ZNF490: variants seen among roughly 807,000 people sequenced by gnomAD.
ZNF490 encodes the protein zinc finger protein 490.
In ZNF490, 11 loss-of-function variants were observed where a neutral mutation model predicts 17.7. The observed-to-expected ratio is 0.62, with a 90% CI of 0.39 to 1.03. ZNF490 has a LOEUF of 1.03. Ranked by LOEUF, ZNF490 falls within the 50% of genes least tolerant of loss-of-function variation. The pLI is 0.00. For missense variants in ZNF490, 542 were observed against 643.4 expected, an observed-to-expected ratio of 0.84 and a Z score of 1.71; for synonymous variants, 222 against 216.1, an observed-to-expected ratio of 1.03 and a Z score of -0.24.
intron 2 of ZNF490, among the ~76,000 whole-genome samples, chr19:12,587,202 T>A (rs2145146465): frequency 1.2e-5 from 1 of 85,214 alleles, no homozygotes; most frequent in South Asian, 3.2e-4. Context: ...AGTTGTGGGA[T>A]GACAGATGAC....
At chr19:12,590,474 C>T (rs1447252387) in intron 2 of ZNF490, among the ~76,000 whole-genome samples, 3 of 151,650 alleles carry the variant, frequency 2.0e-5, no homozygotes, top group Non-Finnish European at 4.4e-5. Flanking sequence ...ACCCCTGCCT[C>T]GGCCTCCTAA....
intron 2 of ZNF490, among the ~76,000 whole-genome samples, chr19:12,605,082 G>A (rs1176129012): frequency 6.6e-6 from 1 of 152,132 alleles, no homozygotes; most frequent in Non-Finnish European, 1.5e-5. Context: ...GAACCCTGGA[G>A]ATGGAGGTTG....
Position 12,582,819 on chromosome 19 carries a change from G to A in ZNF490, c.350+31C>T, listed in dbSNP as rs184336166. 2.3e-3 allele frequency: 3,448 copies of A among 1,477,802 alleles called. 4 individuals carry two copies. Among genetic ancestry groups the A allele is most frequent in the Non-Finnish European group, 2.9e-3 (3,055 of 1,057,814 alleles). The allele number at this position is 1,477,802 out of a possible 1,614,324, so 91.5% of individuals were successfully genotyped here. A position where few individuals can be genotyped will look rare whatever the true frequency, so the allele number is the denominator to read the frequency against. On this transcript the variant is annotated intron_variant, in intron 4 of 4. Transcript: ENST00000311437. ...TATGAAATACTAAGATTCTCTCAGG[G>A]GCTATATAATTATTTGTGAATGCAA... is the stretch of plus-strand genomic sequence containing the variant.
intron 2 of ZNF490, among the ~76,000 whole-genome samples, chr19:12,602,790 A>C (rs572234322): frequency 7.3e-5 from 11 of 151,144 alleles, no homozygotes; most frequent in African/African-American, 2.7e-4. Flanking sequence ...ACGCCGGGCT[A>C]GTTTTTTGTA....
At chr19:12,607,090 C>T (rs12979146) in intron 2 of ZNF490, among the ~76,000 whole-genome samples, 78,654 of 151,988 alleles carry the variant, frequency 0.52, 22,943 homozygotes, top group Non-Finnish European at 0.67. Flanking sequence ...GCCTACCATC[C>T]CAACACTGGG....
At position 12,578,151 on chromosome 19, in the gene ZNF490, C is replaced by T; in HGVS notation, c.*2334G>A. 6.1e-6 allele frequency: 6 copies of T among 985,486 alleles called. No individual in the cohort carries two copies. Among genetic ancestry groups the T allele is most frequent in the South Asian group, 4.7e-5 (1 of 21,276 alleles). 61.0% of individuals were successfully genotyped at this position (985,486 alleles called of 1,614,324 possible). A position where few individuals can be genotyped will look rare whatever the true frequency, so the allele number is the denominator to read the frequency against. ...GGAGGCTAGGAAACCAGTCCTGGAG[C>T]AGGATGCATGTGACATGCACTGACG... On this transcript the variant is annotated 3_prime_UTR_variant, in exon 5 of 5. Transcript: ENST00000311437.
At chr19:12,609,452 A>G (rs1360353278) in intron 1 of ZNF490, among the ~76,000 whole-genome samples, 1 of 152,164 alleles carries the variant, frequency 6.6e-6, no homozygotes, top group Non-Finnish European at 1.5e-5. Flanking sequence ...GCAGTGGCAC[A>G]ATCTTGGCTC....
In ZNF490 at chr19:12,587,131, T is replaced by C. The variant is rs2022813765; in HGVS notation, c.163-3575A>G. Among the ~76,000 whole-genome samples, 2 of 88,372 alleles carry C rather than the reference T, an allele frequency of 2.3e-5. 1 individual carries two copies. The highest frequency in any genetic ancestry group is 6.0e-4 in the South Asian group (2 of 3,356). 58.0% of individuals were successfully genotyped at this position (88,372 alleles called of 152,430 possible). A position where few individuals can be genotyped will look rare whatever the true frequency, so the allele number is the denominator to read the frequency against. ...GTTGTCTGCAAGAAATTCGCTTTTT[T>C]TTTTTTTTTTACTTTGTTTTTTAGA... On this transcript the variant is annotated intron_variant, in intron 2 of 4. Coordinates refer to ENST00000311437, the MANE Select transcript of ZNF490 (RefSeq NM_020714.3).
At chr19:12,597,085 TC>T (rs2022943200) in intron 2 of ZNF490, 1 of 457,876 alleles carries the variant, frequency 2.2e-6, no homozygotes. Flanking sequence ...ACTCGGGTCT[TC>T]CCATAGCCGG....
In ZNF490 at chr19:12,602,079, T is replaced by TATACACACAC. The variant is rs778812676; in HGVS notation, c.162+7078_162+7079insGTGTGTGTAT. 1.7e-3 allele frequency among the ~76,000 whole-genome samples: 114 copies of TATACACACAC among 68,652 alleles called. 4 individuals are homozygous for TATACACACAC. The highest frequency in any genetic ancestry group is 7.6e-3 in the South Asian group (21 of 2,780). The allele number at this position is 68,652 out of a possible 152,430, so 45.0% of individuals were successfully genotyped here. A position where few individuals can be genotyped will look rare whatever the true frequency, so the allele number is the denominator to read the frequency against. On this transcript the variant is annotated intron_variant, in intron 2 of 4. Coordinates refer to ENST00000311437, the MANE Select transcript of ZNF490 (RefSeq NM_020714.3). ...CGTTTTTGAAACTCAGTTCACTATATACACACACACACACACACACACACA... is the reference window on the plus strand; with the variant it reads ...CGTTTTTGAAACTCAGTTCACTATATATACACACACACACACACACACACACACACACACA...
chr19:12,608,343 G>T (rs1006108578), intron 2 of ZNF490, among the ~76,000 whole-genome samples: 4 of 152,088 alleles, frequency 2.6e-5, no homozygotes, highest in African/African-American at 9.7e-5. Context: ...GAGTGCAGTG[G>T]CACCATCACA....
intron 2 of ZNF490, among the ~76,000 whole-genome samples, chr19:12,588,562 T>A (rs1049438950): frequency 6.6e-6 from 1 of 151,912 alleles, no homozygotes; most frequent in Non-Finnish European, 1.5e-5. Context: ...AATTTAGAGA[T>A]CCAGCAGGCA....
chr19:12,605,325 T>C (rs1034313531), intron 2 of ZNF490, among the ~76,000 whole-genome samples: 4 of 151,900 alleles, frequency 2.6e-5, no homozygotes, highest in Non-Finnish European at 5.9e-5. Flanking sequence ...TTACAAAAAA[T>C]AAATAATTAG....
At position 12,577,528 on chromosome 19, in the gene ZNF490, CG is replaced by C. The variant is rs1643805041; in HGVS notation, c.*2956del. 2.2e-5 allele frequency: 13 copies of C among 579,536 alleles called. No homozygotes were observed. The highest frequency in any genetic ancestry group is 2.5e-5 in the Non-Finnish European group (13 of 512,226). The allele number at this position is 579,536 out of a possible 1,614,324, so 35.9% of individuals were successfully genotyped here. On this transcript the variant is annotated 3_prime_UTR_variant, in exon 5 of 5. Coordinates refer to ENST00000311437, the MANE Select transcript of ZNF490 (RefSeq NM_020714.3). ...CCATAAATGTTCCTGGTGAGAGAAG[CG>C]AATGTTCCTGGTGAGAGAAGCGAAG...
At chr19:12,583,347 C>T in intron 3 of ZNF490, 83 bp downstream of exon 3, 1 of 1,455,042 alleles carries the variant, frequency 6.9e-7, no homozygotes, top group Non-Finnish European at 9.2e-7. Context: ...CCCCTTCCCC[C>T]ATTTTAAACC....
In ZNF490 at chr19:12,609,547, C is replaced by G. The variant is rs76416932; in HGVS notation, c.118-345G>C. 2.8e-4 allele frequency among the ~76,000 whole-genome samples: 43 copies of G among 152,268 alleles called. 1 individual carries two copies. The East Asian group carries it at 3.5e-3, about 12-fold the overall frequency. On this transcript the variant is annotated intron_variant, in intron 1 of 4. Transcript: ENST00000311437. ...GACTACAGGTGAACACCATACCCAG[C>G]TAATTTTTAAAAATTTTTTGAGAAA... is the stretch of plus-strand genomic sequence containing the variant.
chr19:12,592,398 T>TAA (rs112821958), intron 2 of ZNF490, among the ~76,000 whole-genome samples: 1 of 140,192 alleles, frequency 7.1e-6, no homozygotes, highest in East Asian at 2.0e-4. Flanking sequence ...CATCTCAATT[T>TAA]AAAAAAAAAA....
At chr19:12,601,378 A>T (rs1352191093) in intron 2 of ZNF490, among the ~76,000 whole-genome samples, 3 of 148,868 alleles carry the variant, frequency 2.0e-5, no homozygotes, top group East Asian at 4.0e-4. Context: ...ACAGAGCAAG[A>T]CTCCGTCTGA....
At chr19:12,594,836 C>A (rs1444626347) in intron 2 of ZNF490, among the ~76,000 whole-genome samples, 2 of 152,180 alleles carry the variant, frequency 1.3e-5, no homozygotes, top group Admixed American at 1.3e-4. Flanking sequence ...TCAATCCATC[C>A]ATCAATCAAT....
Sources: allele counts gnomAD v4.1 joint callset (sites outside exome capture counted in the v4.1 genomes callset), GRCh38; gene constraint gnomAD v4.1.1; transcripts MANE v1.5; gene names NCBI Gene and HGNC (gene_info 2026-07-23, HGNC 2026-07-21).